Variants in TSPEAR observed in about 807,000 individuals in gnomAD.
TSPEAR encodes thrombospondin type laminin G domain and EAR repeats.
Under a neutral mutation model 71.6 loss-of-function variants are expected in TSPEAR, and 69 were observed. The observed-to-expected ratio is 0.96, with a 90% confidence interval of 0.79 to 1.18. TSPEAR has a LOEUF of 1.18. TSPEAR is among the 50% of genes most tolerant of loss of function. The pLI is 0.00. For missense variants in TSPEAR, 971 were observed against 894.9 expected, an observed-to-expected ratio of 1.09 and a Z score of -1.09; for synonymous variants, 402 against 387.2, an observed-to-expected ratio of 1.04 and a Z score of -0.45.
At chr21:44,674,932 A>G (rs1986239432) in intron 1 of TSPEAR, among the ~76,000 whole-genome samples, 1 of 152,132 alleles carries the variant, frequency 6.6e-6, no homozygotes, top group African/African-American at 2.4e-5. Flanking sequence ...TGAATCAGTA[A>G]TAAAAAGTCT....
At chr21:44,637,834 C>T in intron 1 of TSPEAR, 2 of 1,384,486 alleles carry the variant, frequency 1.4e-6, no homozygotes, top group Non-Finnish European at 2.0e-6. Flanking sequence ...GCTGCACCTC[C>T]TCCCCATGCC....
intron 1 of TSPEAR, among the ~76,000 whole-genome samples, chr21:44,584,435 G>C (rs1979207862): frequency 6.6e-6 from 1 of 152,174 alleles, no homozygotes; most frequent in South Asian, 2.1e-4. Context: ...GCTTTAATTT[G>C]TCTTGTATAT....
intron 1 of TSPEAR, chr21:44,697,179 C>T: frequency 6.2e-7 from 1 of 1,607,558 alleles, no homozygotes. Context: ...CCCAGCTCAA[C>T]CCCCAGCACG....
chr21:44,533,597 G>T, intron 3 of TSPEAR, 88 bp downstream of exon 3: 1 of 1,119,664 alleles, frequency 8.9e-7, no homozygotes, highest in South Asian at 1.5e-5. Flanking sequence ...AGCTCCTGCA[G>T]GTGTTGCTCG....
intron 2 of TSPEAR, chr21:44,539,229 G>T: frequency 6.4e-7 from 1 of 1,564,782 alleles, no homozygotes; most frequent in East Asian, 2.3e-5. Flanking sequence ...ACCTAACCCA[G>T]GTCAGGAACT....
At chr21:44,637,382 C>T (rs199775220) in intron 1 of TSPEAR, 1,021 of 1,582,710 alleles carry the variant, frequency 6.5e-4, no homozygotes, top group Middle Eastern at 1.6e-3. Flanking sequence ...CACTCACTCA[C>T]ACACCTCCCC....
rs1396710600 is a variant in TSPEAR, at chr21:44,499,539, C to T, written c.*244G>A. ...TGACACTCAGATGGGCGAGCACTGG[C>T]AGGGGCTCTGGGCCTCTGCCTGCAA... is the stretch of plus-strand genomic sequence containing the variant. On this transcript the variant is annotated 3_prime_UTR_variant, in exon 12 of 12. Transcript: ENST00000323084. The T allele has an allele frequency of 1.0e-5, 5 of 494,266 alleles. No homozygotes were observed. The highest frequency in any genetic ancestry group is 1.4e-5 in the Non-Finnish European group (4 of 282,270). 30.6% of individuals were successfully genotyped at this position (494,266 alleles called of 1,614,324 possible).
chr21:44,711,569 G>C lies in TSPEAR; in HGVS notation c.-55C>G. The C allele has an allele frequency of 6.4e-7, 1 of 1,555,928 alleles. No homozygotes were observed. Among genetic ancestry groups the C allele is most frequent in the Non-Finnish European group, 8.7e-7 (1 of 1,144,220 alleles). ...GGCTCCGCTCAGCCTGCAGGGAAGT[G>C]GCTGCTCCTCAGACGTCTGCGTCAG... On this transcript the variant is annotated 5_prime_UTR_variant, in exon 1 of 12. Coordinates refer to ENST00000323084, the MANE Select transcript of TSPEAR (RefSeq NM_144991.3). This position sits in a 1 kb window ranked among gnomAD's most constrained non-coding sequence, Gnocchi z 4.5.
chr21:44,630,526 T>C (rs782813246), intron 1 of TSPEAR, among the ~76,000 whole-genome samples: 6 of 152,166 alleles, frequency 3.9e-5, no homozygotes, highest in Non-Finnish European at 7.3e-5. Flanking sequence ...AAGGCCCCCA[T>C]GCATGCCCAT....
At chr21:44,666,768 C>G in intron 1 of TSPEAR, 1 of 1,612,156 alleles carries the variant, frequency 6.2e-7, no homozygotes, top group Non-Finnish European at 8.5e-7. Flanking sequence ...GGAGGACTGG[C>G]AGCCCACAGG....
intron 1 of TSPEAR, chr21:44,678,014 G>A (rs1001715101): frequency 2.7e-5 from 23 of 852,728 alleles, no homozygotes; most frequent in African/African-American, 1.2e-4. Flanking sequence ...CACAGTGGAC[G>A]GAGGACTAAC....
intron 9 of TSPEAR, among the ~76,000 whole-genome samples, chr21:44,512,601 C>T (rs2052423662): frequency 6.6e-6 from 1 of 152,090 alleles, no homozygotes; most frequent in Admixed American, 6.5e-5. Context: ...TGGTGGAGAC[C>T]CTGGGTTGGG....
At chr21:44,569,328 A>C (rs457698) in intron 1 of TSPEAR, among the ~76,000 whole-genome samples, 140,027 of 151,980 alleles carry the variant, frequency 0.92, 64,684 homozygotes, top group Non-Finnish European at 0.96. Flanking sequence ...CACGTCCGCA[A>C]GTGTGCACAC....
intron 1 of TSPEAR, among the ~76,000 whole-genome samples, chr21:44,571,592 G>T (rs116430631): frequency 6.6e-6 from 1 of 152,120 alleles, no homozygotes; most frequent in African/African-American, 2.4e-5. Context: ...CTAGAGAAGC[G>T]TCTGATTCCA....
chr21:44,635,694 G>A (rs890491410), intron 1 of TSPEAR, among the ~76,000 whole-genome samples: 4 of 152,206 alleles, frequency 2.6e-5, no homozygotes, highest in African/African-American at 9.7e-5. Flanking sequence ...GTTCCTTCGG[G>A]AGCGATGATA....
chr21:44,528,733 G>A (rs1262285844), intron 5 of TSPEAR, 150 bp from the exon 6 acceptor site: 2 of 1,035,452 alleles, frequency 1.9e-6, no homozygotes, highest in Admixed American at 5.9e-5. Flanking sequence ...GCACAAGCCT[G>A]CCACATCACA....
intron 1 of TSPEAR, among the ~76,000 whole-genome samples, chr21:44,611,269 T>A (rs780356783): frequency 6.6e-6 from 1 of 152,124 alleles, no homozygotes; most frequent in Non-Finnish European, 1.5e-5. Flanking sequence ...TTCCTACATG[T>A]TGTGGGAGGA....
rs142268502 is a variant in TSPEAR at position 44,645,549 on chromosome 21, T to G, written c.82+65884A>C. ...TTGTATTTTTAGTAGAGACCGGGTTTCACCATGCTGGCCAGGCTGGTCTCA... is the reference window on the plus strand; with the variant it reads ...TTGTATTTTTAGTAGAGACCGGGTTGCACCATGCTGGCCAGGCTGGTCTCA... On this transcript the variant is annotated intron_variant, in intron 1 of 11. Coordinates refer to ENST00000323084, the MANE Select transcript of TSPEAR (RefSeq NM_144991.3). Among the ~76,000 whole-genome samples the G allele has an allele frequency of 6.2e-3, 949 of 151,942 alleles. 5 individuals carry two copies. Among genetic ancestry groups the G allele is most frequent in the African/African-American group, 0.022 (912 of 41,458 alleles).
chr21:44,607,327 C>G (rs1981375980), intron 1 of TSPEAR, among the ~76,000 whole-genome samples: 1 of 152,222 alleles, frequency 6.6e-6, no homozygotes, highest in Admixed American at 6.5e-5. Context: ...ATCCACCTGC[C>G]TTGGCCTCCC....
Sources: gnomAD v4.1 joint callset for allele counts (sites outside exome capture counted in the v4.1 genomes callset) on GRCh38, gnomAD v4.1.1 for gene constraint, Gnocchi (gnomAD v3.1) non-coding constraint, MANE v1.5 for transcripts, NCBI Gene and HGNC (gene_info 2026-07-23, HGNC 2026-07-21) for gene names.